The following GZMK variants were observed in gnomAD, a reference collection of about 807,000 sequenced individuals.
GZMK encodes the protein granzyme K.
Under a neutral mutation model 22.8 loss-of-function variants are expected in GZMK, and 18 were observed. The ratio of observed to expected loss-of-function variants is 0.79; its 90% CI spans 0.54 to 1.17. The LOEUF is 1.17. Ranked by LOEUF, GZMK falls within the 50% of genes most tolerant of loss-of-function variation. The probability of loss-of-function intolerance (pLI) is 0.00; values close to 1 mark genes in which losing one functional copy is unlikely to be tolerated. For synonymous variants in GZMK, 136 were observed against 115.0 expected, an observed-to-expected ratio of 1.18 and a Z score of -1.17; for missense variants, 342 against 320.2, an observed-to-expected ratio of 1.07 and a Z score of -0.52.
chr5:55,028,140 A>G (rs536755591), intron 2 of GZMK: 1 of 152,340 alleles, frequency 6.6e-6, no homozygotes, highest in African/African-American at 2.4e-5. Context: ...TAAATTAGTA[A>G]AAGACGAAAG....
In GZMK at chr5:55,030,491, T is replaced by C; in HGVS notation, c.270T>C (p.Asn90=). The C allele has an allele frequency of 6.2e-7, 1 of 1,613,542 alleles. No homozygotes were observed. Among genetic ancestry groups the C allele is most frequent in the Non-Finnish European group, 8.5e-7 (1 of 1,179,408 alleles). The change falls in exon 3 of 5, where the codon AAT becomes AAC. Residue 90 remains asparagine, a synonymous_variant. Coordinates refer to ENST00000231009, the MANE Select transcript of GZMK (RefSeq NM_002104.3). ...TAGGCGCACACTCTCTCTCAAAGAATGAGGCCTCCAAACAAACACTGGAGA... is the reference window on the plus strand; with the variant it reads ...TAGGCGCACACTCTCTCTCAAAGAACGAGGCCTCCAAACAAACACTGGAGA... ...VVLGAHSLSK[N]EASKQTLEIK... is the part of the protein sequence containing the mutation.
At chr5:55,031,230 C>A in intron 3 of GZMK, 134 bp from the exon 4 acceptor site, 1 of 712,004 alleles carries the variant, frequency 1.4e-6, no homozygotes, top group Non-Finnish European at 2.4e-6. Flanking sequence ...ACAAATGCAG[C>A]TGCAGGCCAC....
intron 2 of GZMK, 34 bp from the exon 3 acceptor site, chr5:55,030,400 A>C: frequency 6.2e-7 from 1 of 1,608,486 alleles, no homozygotes; most frequent in Non-Finnish European, 8.5e-7. Flanking sequence ...TTTGGAAATC[A>C]TTCTGCTGCT....
chr5:55,031,297 C>A (rs1224558674), intron 3 of GZMK, 67 bp from the exon 4 acceptor site: 2 of 1,365,004 alleles, frequency 1.5e-6, no homozygotes, highest in South Asian at 1.3e-5. Flanking sequence ...ACCACACATA[C>A]GACGCACAGG....
chr5:55,030,715 A>G, intron 3 of GZMK, 131 bp downstream of exon 3: 4 of 698,466 alleles, frequency 5.7e-6, no homozygotes, highest in Non-Finnish European at 1.0e-5. Context: ...GATATATTTT[A>G]TAAGGGCCCA....
chr5:55,033,212 C>T (rs996822166), intron 4 of GZMK, among the ~76,000 whole-genome samples: 5 of 152,152 alleles, frequency 3.3e-5, no homozygotes, highest in Non-Finnish European at 5.9e-5. Flanking sequence ...GGTACATATA[C>T]ATAACACTAT....
At chr5:55,029,436 T>A (rs910648274) in intron 2 of GZMK, among the ~76,000 whole-genome samples, 3 of 152,180 alleles carry the variant, frequency 2.0e-5, no homozygotes, top group Admixed American at 1.3e-4. Context: ...GGACAGGACA[T>A]ATGGACATAT....
chr5:55,027,825 C>A (rs959741897), intron 2 of GZMK, among the ~76,000 whole-genome samples: 1 of 152,186 alleles, frequency 6.6e-6, no homozygotes, highest in Non-Finnish European at 1.5e-5. Context: ...GATTCTGAAG[C>A]AAGTCTGAAG....
chr5:55,024,343 TTC>T lies in GZMK; in HGVS notation c.25_26del (p.Leu9ValfsTer49). Reference protein sequence around the residue: MTKFSSFSLFFLIVGAYM... With the variant: MTKFSSFXLFFLIVGAYM... ...TTAAAATGACTAAGTTTTCTTCCTT[TTC>T]TCTGTTTTTCCTAATAGTTGGGGCT... On this transcript the variant is annotated frameshift_variant, in exon 1 of 5. Coordinates refer to ENST00000231009, the MANE Select transcript of GZMK (RefSeq NM_002104.3). LOFTEE classifies it high-confidence loss of function. 6.7e-7 allele frequency: 1 copy of T among 1,482,462 alleles called. No individual in the cohort carries two copies. The highest frequency in any genetic ancestry group is 9.4e-7 in the Non-Finnish European group (1 of 1,061,934). 91.8% of individuals were successfully genotyped at this position (1,482,462 alleles called of 1,614,324 possible).
chr5:55,024,778 G>A lies in GZMK; in HGVS notation c.183G>A (p.Trp61Ter). 1 of 1,608,598 alleles carries A rather than the reference G, an allele frequency of 6.2e-7. No individual in the cohort carries two copies. The highest frequency in any genetic ancestry group is 8.5e-7 in the Non-Finnish European group (1 of 1,176,314). The part of the protein sequence containing the change: ...VCGGVLIDPQ[W>*]VLTAAHCQYR... ...GAGGTGTTCTGATTGATCCACAGTG[G>A]GTGCTGACAGCAGCCCACTGCCAAT... The change falls in exon 2 of 5, where the codon TGG (tryptophan) becomes TGA (stop). Residue 61 changes from tryptophan to a stop codon, truncating the protein, a stop_gained. Transcript: ENST00000231009. LOFTEE classifies it high-confidence loss of function.
chr5:55,030,579 G>A lies in GZMK; in HGVS notation c.358G>A (p.Val120Ile). The change falls in exon 3 of 5, where the codon GTT (valine) becomes ATT (isoleucine). Residue 120 changes from valine to isoleucine, a missense_variant. Physicochemically the swap from Val to Ile is conservative, Grantham distance 29. Transcript: ENST00000231009. ...SDPQSNDIML[V>I]KLQTAAKLNK... is the part of the protein sequence containing the mutation. ...TCCTCAATCAAATGATATCATGCTG[G>A]TTAAGGTAGGTAGTAGCATTGTCTT... 6.2e-7 allele frequency: 1 copy of A among 1,609,762 alleles called. No individual in the cohort carries two copies. Among genetic ancestry groups the A allele is most frequent in the East Asian group, 2.2e-5 (1 of 44,862 alleles).
At chr5:55,027,486 G>C (rs1741157985) in intron 2 of GZMK, 1 of 152,484 alleles carries the variant, frequency 6.6e-6, no homozygotes, top group Admixed American at 6.5e-5. Flanking sequence ...GCTTGAAGGG[G>C]GTTGGCACGG....
At chr5:55,033,332 A>C (rs377747784) in intron 4 of GZMK, among the ~76,000 whole-genome samples, 13 of 152,232 alleles carry the variant, frequency 8.5e-5, no homozygotes, top group African/African-American at 3.1e-4. Flanking sequence ...CCTCAATAAC[A>C]ACTCGATTTT....
intron 2 of GZMK, among the ~76,000 whole-genome samples, chr5:55,029,922 T>C (rs1437022610): frequency 6.6e-6 from 1 of 152,180 alleles, no homozygotes; most frequent in Non-Finnish European, 1.5e-5. Flanking sequence ...GAGATGATAG[T>C]GGTGGATGAA....
chr5:55,026,796 T>C (rs1741148697), intron 2 of GZMK: 1 of 152,172 alleles, frequency 6.6e-6, no homozygotes, highest in Non-Finnish European at 1.5e-5. Flanking sequence ...ATAAAAAATG[T>C]CCTGTACAAA....
intron 4 of GZMK, chr5:55,032,641 A>T (rs971160433): frequency 2.5e-4 from 38 of 152,216 alleles, no homozygotes; most frequent in African/African-American, 8.9e-4. Flanking sequence ...CTGAGGGGGG[A>T]GGATCACCTG....
intron 4 of GZMK, 101 bp downstream of exon 4, chr5:55,031,734 C>CA (rs1741238552): frequency 1.2e-6 from 1 of 869,208 alleles, no homozygotes; most frequent in South Asian, 1.7e-5. Flanking sequence ...ATGGAGAATA[C>CA]AAAACCACAA....
At chr5:55,027,997 G>C (rs1741164832) in intron 2 of GZMK, among the ~76,000 whole-genome samples, 1 of 152,224 alleles carries the variant, frequency 6.6e-6, no homozygotes, top group Non-Finnish European at 1.5e-5. Flanking sequence ...GAGTAGCACA[G>C]ATTACAGTTG....
rs1312295099 is a variant in GZMK at position 55,030,588 on chromosome 5, G to A, written c.363+4G>A. 17 of 1,604,958 alleles carry A rather than the reference G, an allele frequency of 1.1e-5. No homozygotes were observed. Among genetic ancestry groups the A allele is most frequent in the Non-Finnish European group, 1.4e-5 (16 of 1,172,464 alleles). On this transcript the variant is annotated splice_donor_region_variant and intron_variant, in intron 3 of 4. Coordinates refer to ENST00000231009, the MANE Select transcript of GZMK (RefSeq NM_002104.3). Reference sequence around the variant, plus strand: ...AAATGATATCATGCTGGTTAAGGTAGGTAGTAGCATTGTCTTCCTTCTATT... The same window carrying A: ...AAATGATATCATGCTGGTTAAGGTAAGTAGTAGCATTGTCTTCCTTCTATT...
Sources: allele counts gnomAD v4.1 joint callset (sites outside exome capture counted in the v4.1 genomes callset), GRCh38; gene constraint gnomAD v4.1.1; transcripts MANE v1.5; gene names NCBI Gene and HGNC (gene_info 2026-07-23, HGNC 2026-07-21).